The following NUBPL variants were observed in gnomAD, a reference collection of about 807,000 sequenced individuals.
The protein encoded by NUBPL is iron-sulfur cluster transfer protein NUBPL.
Under a neutral mutation model 45.7 loss-of-function variants are expected in NUBPL, and 31 were observed. The ratio of observed to expected loss-of-function variants is 0.68; its 90% CI spans 0.51 to 0.92. NUBPL has a LOEUF of 0.92. NUBPL is among the 40% of genes least tolerant of loss of function. The pLI is 0.00. For synonymous variants in NUBPL, 144 were observed against 140.9 expected (o/e 1.02, Z -0.15); for missense variants, 401 against 398.7 (o/e 1.01, Z -0.05).
At chr14:31,852,870 T>G (rs558679371) in intron 10 of NUBPL, among the ~76,000 whole-genome samples, 1 of 152,190 alleles carries the variant, frequency 6.6e-6, no homozygotes, top group African/African-American at 2.4e-5. Flanking sequence ...CAAATAGAAA[T>G]GTGCTCTTAG....
intron 4 of NUBPL, among the ~76,000 whole-genome samples, chr14:31,658,187 A>G (rs2036186215): frequency 6.6e-6 from 1 of 152,226 alleles, no homozygotes; most frequent in South Asian, 2.1e-4. Flanking sequence ...ACTGTGTGTT[A>G]TCTATTAATC....
intron 4 of NUBPL, among the ~76,000 whole-genome samples, chr14:31,670,039 T>A (rs2036535528): frequency 6.6e-6 from 1 of 152,110 alleles, no homozygotes. Flanking sequence ...TGTGTTTAGC[T>A]CTTTGAGGAA....
At chr14:31,591,612 G>T (rs988856967) in intron 3 of NUBPL, among the ~76,000 whole-genome samples, 1 of 152,040 alleles carries the variant, frequency 6.6e-6, no homozygotes, top group Non-Finnish European at 1.5e-5. Context: ...GGAATAGACT[G>T]CAAAGAAATT....
chr14:31,621,759 C>T lies in NUBPL; in HGVS notation c.382+22380C>T, dbSNP rs74717729. 5.2e-3 allele frequency among the ~76,000 whole-genome samples: 796 copies of T among 152,296 alleles called. 11 individuals are homozygous for T. The highest frequency in any genetic ancestry group is 0.018 in the African/African-American group (748 of 41,570). On this transcript the variant is annotated intron_variant, in intron 4 of 10. Coordinates refer to ENST00000281081, the MANE Select transcript of NUBPL (RefSeq NM_025152.3). ...AGCCGTCTTGCCAGCAAATCCTAAA[C>T]GTCTTTTTTAAAATAAAGTACCCAG...
rs1179425932 is a variant in NUBPL, at chr14:31,840,575, CA to C, written c.694-5881del. On this transcript the variant is annotated intron_variant, in intron 8 of 10. Coordinates refer to ENST00000281081, the MANE Select transcript of NUBPL (RefSeq NM_025152.3). ...GGCAACAGAGCAAGACTCCACATCT[CA>C]AAAAAAAAAAAAAAGAAAAAGAAAG... 4.8e-3 allele frequency among the ~76,000 whole-genome samples: 435 copies of C among 90,988 alleles called. 8 individuals are homozygous for C. Among genetic ancestry groups the C allele is most frequent in the African/African-American group, 0.011 (253 of 23,714 alleles). The allele number at this position is 90,988 out of a possible 152,430, so 59.7% of individuals were successfully genotyped here.
intron 10 of NUBPL, among the ~76,000 whole-genome samples, chr14:31,854,954 A>G (rs1324980257): frequency 6.6e-6 from 1 of 152,242 alleles, no homozygotes; most frequent in African/African-American, 2.4e-5. Flanking sequence ...TCAGCAACTG[A>G]CAATCTATTA....
chr14:31,815,298 G>T (rs1479937047), intron 7 of NUBPL, among the ~76,000 whole-genome samples: 1 of 151,990 alleles, frequency 6.6e-6, no homozygotes, highest in Admixed American at 6.6e-5. Context: ...TCTCTTTGTA[G>T]CAATTGTGAA....
Position 31,732,193 on chromosome 14 carries a change from C to A in NUBPL, c.514-55587C>A, listed in dbSNP as rs867088135. 7.4e-3 allele frequency among the ~76,000 whole-genome samples: 588 copies of A among 79,672 alleles called. 1 individual carries two copies. Among genetic ancestry groups the A allele is most frequent in the Admixed American group, 0.01 (62 of 6,142 alleles). 52.3% of individuals were successfully genotyped at this position (79,672 alleles called of 152,430 possible). On this transcript the variant is annotated intron_variant, in intron 6 of 10. Transcript: ENST00000281081. ...TGGGTGACAGAGCAAGACTCTGTCT[C>A]AAAAAAAAAATGAAAGAAAGAAAAG... is the stretch of plus-strand genomic sequence containing the variant.
At chr14:31,858,746 T>TA (rs2040664562) in intron 10 of NUBPL, among the ~76,000 whole-genome samples, 1 of 152,210 alleles carries the variant, frequency 6.6e-6, no homozygotes, top group African/African-American at 2.4e-5. Flanking sequence ...TAACAGCTCT[T>TA]ATGCTAAAGA....
rs550043292 is a variant in NUBPL, at chr14:31,662,180, T to G, written c.383-11175T>G. On this transcript the variant is annotated intron_variant, in intron 4 of 10. Transcript: ENST00000281081. ...TAAAGAAACACATTTAACATGGTGA[T>G]GAATCTGCTCACATTTCTGAGCTTT... The G allele has an allele frequency of 1.1e-4, 17 of 152,146 alleles. No homozygotes were observed. The East Asian group carries it at 2.1e-3, about 19-fold the overall frequency. 9.4% of individuals were successfully genotyped at this position (152,146 alleles called of 1,614,324 possible). A position where few individuals can be genotyped will look rare whatever the true frequency, so the allele number is the denominator to read the frequency against.
intron 4 of NUBPL, among the ~76,000 whole-genome samples, chr14:31,616,059 T>G (rs2034890862): frequency 6.6e-6 from 1 of 152,242 alleles, no homozygotes; most frequent in Non-Finnish European, 1.5e-5. Context: ...TGATGAGATT[T>G]TTTTCATATG....
At chr14:31,700,775 C>A (rs1016149203) in intron 6 of NUBPL, among the ~76,000 whole-genome samples, 1 of 152,294 alleles carries the variant, frequency 6.6e-6, no homozygotes, top group Non-Finnish European at 1.5e-5. Flanking sequence ...CCTCAGCCGC[C>A]CCTCCACAGG....
intron 4 of NUBPL, among the ~76,000 whole-genome samples, chr14:31,650,630 A>T (rs967101402): frequency 6.6e-6 from 1 of 152,150 alleles, no homozygotes; most frequent in African/African-American, 2.4e-5. Flanking sequence ...CTCCATACTT[A>T]ATGTCTATTA....
chr14:31,813,766 A>G (rs1036691643), intron 7 of NUBPL, among the ~76,000 whole-genome samples: 2 of 152,126 alleles, frequency 1.3e-5, no homozygotes, highest in African/African-American at 4.8e-5. Flanking sequence ...ACTCCCACTT[A>G]TAAGTGAGAA....
At chr14:31,649,073 G>A (rs182882311) in intron 4 of NUBPL, among the ~76,000 whole-genome samples, 200 of 152,274 alleles carry the variant, frequency 1.3e-3, no homozygotes, top group African/African-American at 4.5e-3. Context: ...CTCCCAAAGT[G>A]CTGGGATTTA....
intron 4 of NUBPL, among the ~76,000 whole-genome samples, chr14:31,640,836 T>C (rs1361128402): frequency 6.6e-6 from 1 of 152,210 alleles, no homozygotes; most frequent in Non-Finnish European, 1.5e-5. Context: ...TCCATTTCTT[T>C]ATGCTAATAA....
chr14:31,615,479 G>A, intron 4 of NUBPL, among the ~76,000 whole-genome samples: 1 of 151,994 alleles, frequency 6.6e-6, no homozygotes, highest in Non-Finnish European at 1.5e-5. Flanking sequence ...CCTAGTGTGT[G>A]ATGTTCCCCT....
chr14:31,674,799 G>A (rs1460293438), intron 6 of NUBPL, among the ~76,000 whole-genome samples: 1 of 152,092 alleles, frequency 6.6e-6, no homozygotes, highest in Non-Finnish European at 1.5e-5. Context: ...TCCAAATGAA[G>A]ATTTGGCAAA....
intron 7 of NUBPL, among the ~76,000 whole-genome samples, chr14:31,823,022 G>T (rs1440719033): frequency 6.6e-6 from 1 of 151,942 alleles, no homozygotes; most frequent in African/African-American, 2.4e-5. Context: ...TGTAACAGCT[G>T]TTTAAGTTAA....
Sources: allele counts gnomAD v4.1 joint callset (sites outside exome capture counted in the v4.1 genomes callset), GRCh38; gene constraint gnomAD v4.1.1; transcripts MANE v1.5; gene names NCBI Gene and HGNC (gene_info 2026-07-23, HGNC 2026-07-21).